BACH2: variants seen among roughly 807,000 people sequenced by gnomAD.
BACH2 encodes BACH transcriptional regulator 2.
In BACH2, 5 loss-of-function variants were observed where a neutral mutation model predicts 61.8. The observed-to-expected ratio is 0.08, with a 90% confidence interval of 0.04 to 0.17. BACH2 has a LOEUF of 0.17. Ranked by LOEUF, BACH2 falls within the 10% of genes least tolerant of loss-of-function variation. The pLI is 1.00. For missense variants in BACH2, 824 were observed against 1,091.1 expected (o/e 0.76, Z 3.45); for synonymous variants, 446 against 440.1 (o/e 1.01, Z -0.17).
chr6:89,974,228 G>C (rs1039403195), intron 6 of BACH2, among the ~76,000 whole-genome samples: 9 of 152,132 alleles, frequency 5.9e-5, no homozygotes, highest in Non-Finnish European at 1.2e-4. Context: ...TGGCTCCTCT[G>C]CTTAGGAGCT....
chr6:90,257,732 GTTTCC>G (rs1771027529), intron 2 of BACH2, among the ~76,000 whole-genome samples: 1 of 152,028 alleles, frequency 6.6e-6, no homozygotes, highest in South Asian at 2.1e-4. Context: ...TTTGTTGATT[GTTTCC>G]TTTACTGTAC....
intron 4 of BACH2, among the ~76,000 whole-genome samples, chr6:90,123,563 G>A (rs1034294544): frequency 6.6e-6 from 1 of 151,818 alleles, no homozygotes; most frequent in African/African-American, 2.4e-5. Context: ...GAGGTCAGGA[G>A]ATCGAGACCA....
intron 5 of BACH2, among the ~76,000 whole-genome samples, chr6:90,023,647 C>G (rs1052009217): frequency 6.6e-6 from 1 of 151,736 alleles, no homozygotes; most frequent in Non-Finnish European, 1.5e-5. Flanking sequence ...TGTGGAAATC[C>G]TAATCCCCAG....
At chr6:90,006,651 T>G (rs1219843328) in intron 6 of BACH2, among the ~76,000 whole-genome samples, 1 of 152,236 alleles carries the variant, frequency 6.6e-6, no homozygotes, top group African/African-American at 2.4e-5. Flanking sequence ...GTTCTCACTC[T>G]GTCACCCAGG....
At chr6:90,140,381 T>A (rs1582411442) in intron 4 of BACH2, among the ~76,000 whole-genome samples, 1 of 152,062 alleles carries the variant, frequency 6.6e-6, no homozygotes, top group Non-Finnish European at 1.5e-5. Flanking sequence ...TGAGGCTGTA[T>A]AATGGGAAGA....
At chr6:90,216,274 G>A (rs576621529) in intron 3 of BACH2, among the ~76,000 whole-genome samples, 54 of 152,326 alleles carry the variant, frequency 3.5e-4, no homozygotes, top group South Asian at 3.3e-3. Context: ...ATTAACGAGA[G>A]TTTCAGCTTC....
intron 6 of BACH2, among the ~76,000 whole-genome samples, chr6:89,973,164 G>T (rs1209011293): frequency 6.6e-6 from 1 of 152,190 alleles, no homozygotes; most frequent in African/African-American, 2.4e-5. Flanking sequence ...CTACTCAGCA[G>T]GCTGAGGGAA....
At chr6:89,945,511 G>C (rs552455522) in intron 7 of BACH2, among the ~76,000 whole-genome samples, 2 of 152,326 alleles carry the variant, frequency 1.3e-5, no homozygotes, top group South Asian at 2.1e-4. Context: ...CATCTACAGA[G>C]ATAGAAGGTA....
At chr6:90,090,151 C>G (rs922396995) in intron 4 of BACH2, among the ~76,000 whole-genome samples, 2 of 151,876 alleles carry the variant, frequency 1.3e-5, no homozygotes, top group African/African-American at 4.8e-5. Context: ...GAGTATTTCC[C>G]CAAGTTATTA....
intron 8 of BACH2, among the ~76,000 whole-genome samples, chr6:89,936,120 T>C (rs1773008415): frequency 6.6e-6 from 1 of 152,234 alleles, no homozygotes; most frequent in South Asian, 2.1e-4. Flanking sequence ...TATTCAGAGA[T>C]GATCAAGTCA....
At chr6:90,202,761 AG>A (rs1425504283) in intron 4 of BACH2, among the ~76,000 whole-genome samples, 1 of 152,220 alleles carries the variant, frequency 6.6e-6, no homozygotes, top group Admixed American at 6.5e-5. Context: ...AGAAGAGTAA[AG>A]GATCATAATC....
intron 4 of BACH2, among the ~76,000 whole-genome samples, chr6:90,165,432 T>A (rs1375127282): frequency 1.3e-5 from 2 of 152,094 alleles, no homozygotes; most frequent in African/African-American, 4.8e-5. Context: ...GGAAGAACAT[T>A]CCATGCTCAT....
intron 3 of BACH2, among the ~76,000 whole-genome samples, chr6:90,224,788 A>G (rs1258570768): frequency 6.6e-6 from 1 of 152,194 alleles, no homozygotes; most frequent in Non-Finnish European, 1.5e-5. Flanking sequence ...AAATGGAAGA[A>G]CAACAATTTG....
chr6:90,019,936 C>T (rs756984229), intron 5 of BACH2, among the ~76,000 whole-genome samples: 2 of 152,162 alleles, frequency 1.3e-5, no homozygotes, highest in Non-Finnish European at 2.9e-5. Context: ...TAAACATGGG[C>T]ATCTGCTTTT....
chr6:89,951,129 G>T lies in BACH2; in HGVS notation c.977C>A (p.Ala326Asp). The change falls in exon 7 of 9, where the codon GCC (alanine) becomes GAC (aspartate). Residue 326 changes from alanine to aspartate, a missense_variant. Coordinates refer to ENST00000257749, the MANE Select transcript of BACH2 (RefSeq NM_021813.4). This position sits in a 1 kb window ranked among gnomAD's most constrained non-coding sequence, Gnocchi z 6.4. The part of the protein sequence containing the change: ...PAPTPTAPAG[A>D]ACLERSRSVA... ...GCTCCTGGATCTCTCCAGGCAGGCG[G>T]CCCCAGCTGGGGCCGTGGGGGTAGG... 1.2e-6 allele frequency: 2 copies of T among 1,611,032 alleles called. No individual in the cohort carries two copies. The highest frequency in any genetic ancestry group is 1.7e-6 in the Non-Finnish European group (2 of 1,178,928).
intron 1 of BACH2, among the ~76,000 whole-genome samples, chr6:90,291,320 C>T (rs1406580898): frequency 6.6e-6 from 1 of 151,812 alleles, no homozygotes; most frequent in Non-Finnish European, 1.5e-5. Flanking sequence ...AAAATTCCTG[C>T]CTGAATTTTG....
chr6:90,009,967 G>A (rs1004060502), intron 5 of BACH2, among the ~76,000 whole-genome samples: 2 of 152,150 alleles, frequency 1.3e-5, no homozygotes, highest in South Asian at 2.1e-4. Flanking sequence ...GCCTGGCCCC[G>A]CTGAGGTATT....
intron 4 of BACH2, among the ~76,000 whole-genome samples, chr6:90,185,542 T>C (rs1006281195): frequency 8.5e-5 from 13 of 152,234 alleles, no homozygotes; most frequent in Admixed American, 1.3e-4. Context: ...TGTGGGATTA[T>C]ACATGATTTT....
chr6:90,043,849 C>A (rs1562395272), intron 5 of BACH2, among the ~76,000 whole-genome samples: 1 of 152,210 alleles, frequency 6.6e-6, no homozygotes, highest in Non-Finnish European at 1.5e-5. Context: ...AGCCTCCCAG[C>A]CATCTCAGTC....
Sources: allele counts gnomAD v4.1 joint callset (sites outside exome capture counted in the v4.1 genomes callset), GRCh38; gene constraint gnomAD v4.1.1; non-coding constraint Gnocchi (gnomAD v3.1); transcripts MANE v1.5; gene names NCBI Gene and HGNC (gene_info 2026-07-23, HGNC 2026-07-21).